The following LRRFIP2 variants were observed in gnomAD, a reference collection of about 807,000 sequenced individuals.
LRRFIP2 encodes the protein LRR binding FLII interacting protein 2, also known as leucine-rich repeat flightless-interacting protein 2.
A neutral mutation model predicts 125.9 loss-of-function variants in LRRFIP2; 109 were observed. The observed-to-expected ratio is 0.87, with a 90% CI of 0.74 to 1.01. The LOEUF (loss-of-function observed/expected upper bound fraction) is 1.01, where lower values mean the gene tolerates loss of function less well. LRRFIP2 is among the 50% of genes least tolerant of loss of function. LRRFIP2 has a pLI of 0.00. For synonymous variants in LRRFIP2, 291 were observed against 293.1 expected (o/e 0.99, Z 0.07); for missense variants, 850 against 862.3 (o/e 0.99, Z 0.18).
At chr3:37,073,673 A>G (rs1576108624) in intron 20 of LRRFIP2, among the ~76,000 whole-genome samples, 5 of 152,204 alleles carry the variant, frequency 3.3e-5, no homozygotes, top group African/African-American at 1.2e-4. Context: ...TATAGTTCTC[A>G]AAGTTTGTAT....
intron 25 of LRRFIP2, 48 bp from the exon 26 acceptor site, chr3:37,055,213 A>AG: frequency 1.7e-6 from 2 of 1,149,240 alleles, no homozygotes; most frequent in Non-Finnish European, 2.5e-6. Context: ...CAGAGATGAC[A>AG]GTATGAGCCA....
intron 12 of LRRFIP2, 46 bp from the exon 13 acceptor site, chr3:37,108,175 A>C: frequency 1.6e-4 from 232 of 1,437,368 alleles, no homozygotes; most frequent in Non-Finnish European, 2.1e-4. Flanking sequence ...TGATCACCTC[A>C]TTATTCTAAT....
chr3:37,054,127 G>A (rs781012379), intron 27 of LRRFIP2, among the ~76,000 whole-genome samples, 166 bp from the exon 28 acceptor site: 1 of 152,232 alleles, frequency 6.6e-6, no homozygotes, highest in Non-Finnish European at 1.5e-5. Context: ...TGATGATACT[G>A]AGGATTGTTT....
chr3:37,121,841 C>CGTGTGTGTGTGTGTGTGT lies in LRRFIP2; in HGVS notation c.229-168_229-151dup, dbSNP rs60540567. 3 of 496,802 alleles carry CGTGTGTGTGTGTGTGTGT rather than the reference C, an allele frequency of 6.0e-6. No individual in the cohort carries two copies. The African/African-American group carries it at 6.2e-5, about 10-fold the overall frequency. The allele number at this position is 496,802 out of a possible 1,614,324, so 30.8% of individuals were successfully genotyped here. ...AACTTATCTTAGGGGCAGCCACATTCGTGTGTGTGTGTGTGTGTGTGTGTG... is the reference window on the plus strand; with the variant it reads ...AACTTATCTTAGGGGCAGCCACATTCGTGTGTGTGTGTGTGTGTGTGTGTGTGTGTGTGTGTGTGTGTG... On this transcript the variant is annotated intron_variant, in intron 4 of 27. Transcript: ENST00000336686.
Position 37,152,772 on chromosome 3 carries a change from T to C in LRRFIP2, c.-55-3734A>G, listed in dbSNP as rs550948699. On this transcript the variant is annotated intron_variant, in intron 1 of 27. Transcript: ENST00000336686. Reference sequence around the variant, plus strand: ...TTTTTAAAAAAATGGTAGTGGTGCATGCAAATATTAGCCATCTACTAAAAA... The same window carrying C: ...TTTTTAAAAAAATGGTAGTGGTGCACGCAAATATTAGCCATCTACTAAAAA... Among the ~76,000 whole-genome samples, 12 of 152,310 alleles carry C rather than the reference T, an allele frequency of 7.9e-5. No homozygotes were observed. In the South Asian group the frequency reaches 2.5e-3, roughly 32 times the overall value.
intron 16 of LRRFIP2, 51 bp downstream of exon 16, chr3:37,096,565 T>G (rs955123020): frequency 5.5e-6 from 6 of 1,096,832 alleles, no homozygotes; most frequent in Non-Finnish European, 8.3e-6. Context: ...AAGTTACAGA[T>G]AGCAAGTTTA....
At chr3:37,169,292 TACC>T (rs1342360773) in intron 1 of LRRFIP2, among the ~76,000 whole-genome samples, 1 of 152,358 alleles carries the variant, frequency 6.6e-6, no homozygotes, top group South Asian at 2.1e-4. Context: ...ATCTATATTG[TACC>T]ACAATTTTAA....
At chr3:37,167,795 A>C (rs1198495989) in intron 1 of LRRFIP2, among the ~76,000 whole-genome samples, 1 of 152,158 alleles carries the variant, frequency 6.6e-6, no homozygotes, top group Non-Finnish European at 1.5e-5. Flanking sequence ...GGGCTAATGG[A>C]GAGACCTCAT....
chr3:37,164,273 C>T (rs1353262139), intron 1 of LRRFIP2, among the ~76,000 whole-genome samples: 8 of 152,090 alleles, frequency 5.3e-5, no homozygotes, highest in Non-Finnish European at 4.4e-5. Flanking sequence ...ATGAAAACAC[C>T]AACTATTGAT....
chr3:37,096,145 A>C (rs1262120761), intron 16 of LRRFIP2, among the ~76,000 whole-genome samples: 1 of 152,250 alleles, frequency 6.6e-6, no homozygotes, highest in Admixed American at 6.5e-5. Flanking sequence ...TGGGTATAGC[A>C]TAAAATTAAT....
chr3:37,113,967 A>G (rs1157774679), intron 7 of LRRFIP2, among the ~76,000 whole-genome samples: 1 of 152,212 alleles, frequency 6.6e-6, no homozygotes, highest in Non-Finnish European at 1.5e-5. Context: ...AATCTAATCT[A>G]GGTACGTACT....
intron 1 of LRRFIP2, among the ~76,000 whole-genome samples, chr3:37,155,044 A>G (rs780901191): frequency 2.0e-5 from 3 of 152,244 alleles, no homozygotes; most frequent in Non-Finnish European, 2.9e-5. Flanking sequence ...TGAACTAAAG[A>G]CTTAGTGTGA....
At chr3:37,143,026 T>C (rs2149920966) in intron 2 of LRRFIP2, among the ~76,000 whole-genome samples, 1 of 152,148 alleles carries the variant, frequency 6.6e-6, no homozygotes, top group South Asian at 2.1e-4. Context: ...GATCTGGCTG[T>C]CCCCCTTGCG....
intron 15 of LRRFIP2, among the ~76,000 whole-genome samples, chr3:37,098,813 T>G (rs879416091): frequency 6.6e-6 from 1 of 152,216 alleles, no homozygotes. Flanking sequence ...AAAGAAATAT[T>G]ATATTTGAAT....
At chr3:37,075,946 G>T (rs934486789) in intron 19 of LRRFIP2, among the ~76,000 whole-genome samples, 4 of 152,086 alleles carry the variant, frequency 2.6e-5, no homozygotes, top group African/African-American at 9.7e-5. Flanking sequence ...TCAATGAGAA[G>T]GAAAGACTTT....
In LRRFIP2 at chr3:37,055,071, T is replaced by C. The variant is rs781625818; in HGVS notation, c.1950+15A>G. On this transcript the variant is annotated intron_variant, in intron 26 of 27. Transcript: ENST00000336686. ...AGGACATTTAAATAACTTAGTACCA[T>C]ATAGAAGTACTTACACTTTGCTCCA... 34 of 1,537,650 alleles carry C rather than the reference T, an allele frequency of 2.2e-5. 1 individual carries two copies. In the Middle Eastern group the frequency reaches 1.0e-3, roughly 46 times the overall value.
chr3:37,167,585 G>C (rs1229242258), intron 1 of LRRFIP2, among the ~76,000 whole-genome samples: 3 of 150,482 alleles, frequency 2.0e-5, no homozygotes, highest in South Asian at 2.1e-4. Context: ...ACCCAGGAGG[G>C]AGAGGTTGCA....
At chr3:37,086,834 T>C (rs2093079063) in intron 18 of LRRFIP2, among the ~76,000 whole-genome samples, 2 of 151,862 alleles carry the variant, frequency 1.3e-5, no homozygotes, top group African/African-American at 2.4e-5. Context: ...TATATCTAAA[T>C]AAAAATACAT....
At chr3:37,068,224 G>A (rs747241699) in intron 21 of LRRFIP2, 2 of 152,128 alleles carry the variant, frequency 1.3e-5, no homozygotes, top group Non-Finnish European at 1.5e-5. Flanking sequence ...TTTGGTTACT[G>A]GTATCTGCAT....
Sources: allele counts gnomAD v4.1 joint callset (sites outside exome capture counted in the v4.1 genomes callset), GRCh38; gene constraint gnomAD v4.1.1; transcripts MANE v1.5; gene names NCBI Gene and HGNC (gene_info 2026-07-23, HGNC 2026-07-21).